EXOC6: variants seen among roughly 807,000 people sequenced by gnomAD.
EXOC6 encodes exocyst complex component 6.
A neutral mutation model predicts 112.5 loss-of-function variants in EXOC6; 60 were observed. The observed-to-expected ratio is 0.53, with a 90% CI of 0.43 to 0.66. EXOC6 has a LOEUF of 0.66. EXOC6 is among the 30% of genes least tolerant of loss of function. The probability of loss-of-function intolerance (pLI) is 0.00; values close to 1 mark genes in which losing one functional copy is unlikely to be tolerated. For synonymous variants in EXOC6, 295 were observed against 308.0 expected (o/e 0.96, Z 0.44); for missense variants, 855 against 957.1 (o/e 0.89, Z 1.41).
upstream of EXOC6, among the ~76,000 whole-genome samples, chr10:92,848,085 C>T (rs940607893): frequency 1.3e-5 from 2 of 152,070 alleles, no homozygotes; most frequent in Non-Finnish European, 2.9e-5. Flanking sequence ...CTCTGACTCC[C>T]CACGACCCAG....
At chr10:93,017,227 A>G (rs1844566404) in intron 20 of EXOC6, among the ~76,000 whole-genome samples, 1 of 152,144 alleles carries the variant, frequency 6.6e-6, no homozygotes, top group Non-Finnish European at 1.5e-5. Flanking sequence ...GCTTCTTGGC[A>G]TACAGAGTTA....
chr10:92,837,656 C>T (rs1412995533), intron 1 of EXOC6, among the ~76,000 whole-genome samples: 1 of 152,088 alleles, frequency 6.6e-6, no homozygotes, highest in East Asian at 1.9e-4. Context: ...AGAGTAAGAC[C>T]CTGTCTCCAA....
chr10:93,059,176 G>A lies in EXOC6; in HGVS notation c.*821G>A, dbSNP rs1185356119. ...CCTGCACACAGAAGTTACCACAGGG[G>A]TCAGGTTACTTTCTTCAAATAGCAG... On this transcript the variant is annotated 3_prime_UTR_variant, in exon 22 of 22. Coordinates refer to ENST00000260762, the MANE Select transcript of EXOC6 (RefSeq NM_019053.6). The A allele has an allele frequency of 2.6e-5, 4 of 152,182 alleles. No individual in the cohort carries two copies. The highest frequency in any genetic ancestry group is 2.1e-4 in the South Asian group (1 of 4,834). 9.4% of individuals were successfully genotyped at this position (152,182 alleles called of 1,614,324 possible). A position where few individuals can be genotyped will look rare whatever the true frequency, so the allele number is the denominator to read the frequency against.
chr10:92,973,947 G>T (rs1308823833), intron 17 of EXOC6, 106 bp from the exon 18 acceptor site: 1 of 968,382 alleles, frequency 1.0e-6, no homozygotes, highest in Middle Eastern at 2.2e-4. Flanking sequence ...TGAATAAATG[G>T]CTAAAATATT....
chr10:92,883,915 G>A (rs1849081917), intron 1 of EXOC6, among the ~76,000 whole-genome samples: 1 of 151,556 alleles, frequency 6.6e-6, no homozygotes, highest in Non-Finnish European at 1.5e-5. Flanking sequence ...TTTTCTTTTT[G>A]AGATGGAGTC....
At chr10:93,002,386 C>T (rs61862347) in intron 19 of EXOC6, among the ~76,000 whole-genome samples, 358 of 152,204 alleles carry the variant, frequency 2.4e-3, no homozygotes, top group Non-Finnish European at 3.7e-3. Context: ...AGATACAGAA[C>T]ATCAATATCC....
intron 18 of EXOC6, among the ~76,000 whole-genome samples, chr10:92,994,902 T>C (rs2033553409): frequency 6.6e-6 from 1 of 151,948 alleles, no homozygotes; most frequent in Non-Finnish European, 1.5e-5. Context: ...TCTAAAAATA[T>C]GTAGTACATG....
chr10:92,835,307 T>G (rs1325787446), intron 1 of EXOC6, among the ~76,000 whole-genome samples: 2 of 152,246 alleles, frequency 1.3e-5, no homozygotes, highest in African/African-American at 4.8e-5. Flanking sequence ...GTTTATTTAT[T>G]TTTTCTTTTT....
chr10:93,014,735 A>G (rs115466147), intron 20 of EXOC6, among the ~76,000 whole-genome samples: 2,295 of 152,302 alleles, frequency 0.015, 54 homozygotes, highest in African/African-American at 0.052. Context: ...GATCCCAGAA[A>G]GAAGGATAAA....
upstream of EXOC6, chr10:92,848,465 G>A: frequency 1.1e-6 from 1 of 934,962 alleles, no homozygotes; most frequent in South Asian, 2.2e-5. Flanking sequence ...TCGCGCTCGC[G>A]CCACTTGGAG....
intron 1 of EXOC6, among the ~76,000 whole-genome samples, chr10:92,885,088 C>T (rs1849146773): frequency 6.6e-6 from 1 of 152,108 alleles, no homozygotes; most frequent in South Asian, 2.1e-4. Context: ...GAGCCCTAAA[C>T]ACACAATTCA....
chr10:92,962,509 C>T (rs1226651815), intron 17 of EXOC6, among the ~76,000 whole-genome samples: 1 of 151,934 alleles, frequency 6.6e-6, no homozygotes, highest in Non-Finnish European at 1.5e-5. Context: ...CCCACCTCAG[C>T]CTCCCAAATA....
chr10:92,930,400 G>C (rs886794593), intron 9 of EXOC6, among the ~76,000 whole-genome samples: 7 of 152,118 alleles, frequency 4.6e-5, no homozygotes, highest in Admixed American at 4.6e-4. Context: ...CTGCTCGGGA[G>C]GCTGAGGCAG....
intron 19 of EXOC6, among the ~76,000 whole-genome samples, chr10:93,003,283 G>A (rs1843835633): frequency 6.6e-6 from 1 of 152,170 alleles, no homozygotes; most frequent in Admixed American, 6.5e-5. Flanking sequence ...ACATCTAGAT[G>A]TAGTGGGGGA....
chr10:93,010,974 T>C (rs1173959001), intron 19 of EXOC6, among the ~76,000 whole-genome samples: 1 of 152,156 alleles, frequency 6.6e-6, no homozygotes, highest in Non-Finnish European at 1.5e-5. Flanking sequence ...AACAGGAACC[T>C]AGGGAGAAGA....
intron 13 of EXOC6, among the ~76,000 whole-genome samples, chr10:92,943,397 A>T (rs1008523100): frequency 1.3e-5 from 2 of 152,096 alleles, no homozygotes; most frequent in Non-Finnish European, 2.9e-5. Flanking sequence ...TAAATAGTGA[A>T]TTGACAACCT....
intron 1 of EXOC6, among the ~76,000 whole-genome samples, chr10:92,860,223 C>T (rs10748584): frequency 0.3 from 44,165 of 147,880 alleles, 7,336 homozygotes; most frequent in East Asian, 0.74. Flanking sequence ...GCATTAAGTA[C>T]AATTTACATT....
At chr10:92,861,381 T>G (rs1183065567) in intron 1 of EXOC6, among the ~76,000 whole-genome samples, 1 of 152,188 alleles carries the variant, frequency 6.6e-6, no homozygotes, top group Non-Finnish European at 1.5e-5. Context: ...CTCTCTCGTA[T>G]GAGCAGGCCA....
At chr10:92,864,769 T>C (rs1006801605) in intron 1 of EXOC6, among the ~76,000 whole-genome samples, 1 of 152,026 alleles carries the variant, frequency 6.6e-6, no homozygotes, top group African/African-American at 2.4e-5. Context: ...CTTCAGACTG[T>C]GGGGCTTACA....
Sources: gnomAD v4.1 joint callset for allele counts (sites outside exome capture counted in the v4.1 genomes callset) on GRCh38, gnomAD v4.1.1 for gene constraint, MANE v1.5 for transcripts, NCBI Gene and HGNC (gene_info 2026-07-23, HGNC 2026-07-21) for gene names.